The following RNLS variants were observed in gnomAD, a reference collection of about 807,000 sequenced individuals.
RNLS encodes renalase.
Under a neutral mutation model 39.8 loss-of-function variants are expected in RNLS, and 39 were observed. The ratio of observed to expected loss-of-function variants is 0.98; its 90% CI spans 0.76 to 1.28. RNLS has a LOEUF of 1.28. Ranked by LOEUF, RNLS falls within the 50% of genes most tolerant of loss-of-function variation. The pLI, the probability that RNLS is intolerant of heterozygous loss-of-function variation, is 0.00. For synonymous variants in RNLS, 147 were observed against 150.7 expected, an observed-to-expected ratio of 0.98 and a Z score of 0.18; for missense variants, 410 against 413.3, an observed-to-expected ratio of 0.99 and a Z score of 0.07.
intron 4 of RNLS, among the ~76,000 whole-genome samples, chr10:88,543,314 G>C (rs1848140510): frequency 6.6e-6 from 1 of 152,086 alleles, no homozygotes; most frequent in African/African-American, 2.4e-5. Context: ...CTGCCTGTTT[G>C]TGAAGGAGAA....
At chr10:88,548,157 GAGGCTGAGGCAGGAGA>G (rs1376015725) in intron 4 of RNLS, among the ~76,000 whole-genome samples, 1 of 149,888 alleles carries the variant, frequency 6.7e-6, no homozygotes, top group Non-Finnish European at 1.5e-5. Flanking sequence ...AGCTACTCCG[GAGGCTGAGGCAGGAGA>G]ATTGCTTGAA....
At chr10:88,172,842 GTTT>G in the RNLS span, among the ~76,000 whole-genome samples, 3 of 43,772 alleles carry the variant, frequency 6.9e-5, no homozygotes, top group African/African-American at 2.3e-4. Context: ...ATTTTGAGTT[GTTT>G]TTTTTTTTTT....
At chr10:88,457,656 C>A (rs1842706310) in intron 4 of RNLS, among the ~76,000 whole-genome samples, 1 of 152,204 alleles carries the variant, frequency 6.6e-6, no homozygotes, top group African/African-American at 2.4e-5. Context: ...TAATTTTTAG[C>A]AAAGCATTTG....
At chr10:88,274,918 AAAATC>A (rs758606934) in exon 7 of RNLS, 1 of 1,512,972 alleles carries the variant, frequency 6.6e-7, no homozygotes, top group Non-Finnish European at 9.2e-7. Context: ...CTTAAAAAAA[AAAATC>A]AAATAAAACC....
intron 6 of RNLS, among the ~76,000 whole-genome samples, chr10:88,299,192 C>A (rs528395055): frequency 6.6e-6 from 1 of 152,240 alleles, no homozygotes; most frequent in African/African-American, 2.4e-5. Context: ...CAGATATGTC[C>A]TTTGCAACAT....
chr10:88,573,239 T>G (rs577121199), intron 3 of RNLS, among the ~76,000 whole-genome samples, 178 bp from the exon 4 acceptor site: 2 of 152,346 alleles, frequency 1.3e-5, no homozygotes, highest in East Asian at 3.9e-4. Flanking sequence ...CATCCCTACC[T>G]GGCATCCTTG....
chr10:88,257,235 G>A, the RNLS span, among the ~76,000 whole-genome samples: 2 of 152,074 alleles, frequency 1.3e-5, no homozygotes, highest in East Asian at 3.9e-4. Flanking sequence ...ATCACATTAC[G>A]ATGTCAAAAT....
downstream of RNLS, among the ~76,000 whole-genome samples, chr10:88,269,973 G>A (rs1312082281): frequency 1.3e-5 from 2 of 152,096 alleles, no homozygotes; most frequent in African/African-American, 2.4e-5. Context: ...TCAGCCTCCC[G>A]AGTAGCTGGG....
chr10:88,433,514 C>T (rs899848600), intron 4 of RNLS, among the ~76,000 whole-genome samples: 4 of 151,906 alleles, frequency 2.6e-5, no homozygotes, highest in African/African-American at 9.7e-5. Context: ...ATTTATTTTA[C>T]AATATTTTGA....
chr10:88,470,032 T>A (rs2477957), intron 4 of RNLS, among the ~76,000 whole-genome samples: 14 of 151,654 alleles, frequency 9.2e-5, no homozygotes, highest in African/African-American at 2.9e-4. Context: ...CTCTTTATTT[T>A]CATAAATGAA....
At chr10:88,294,908 T>C (rs1447283699) in intron 6 of RNLS, among the ~76,000 whole-genome samples, 1 of 152,116 alleles carries the variant, frequency 6.6e-6, no homozygotes, top group African/African-American at 2.4e-5. Flanking sequence ...TTTCTGAGTC[T>C]CTAAATTTTG....
the RNLS span, among the ~76,000 whole-genome samples, chr10:88,244,150 A>T: frequency 2.0e-5 from 3 of 152,134 alleles, no homozygotes; most frequent in Admixed American, 2.0e-4. Context: ...CCTGGGCCCA[A>T]TCCGGGGTCT....
the RNLS span, among the ~76,000 whole-genome samples, chr10:88,239,832 A>G: frequency 1.1e-4 from 17 of 152,258 alleles, no homozygotes; most frequent in Admixed American, 9.2e-4. Flanking sequence ...GTTGAGGGCA[A>G]ACTGGAGAAA....
At chr10:88,275,484 A>T (rs569736387) in intron 6 of RNLS, among the ~76,000 whole-genome samples, 1 of 152,348 alleles carries the variant, frequency 6.6e-6, no homozygotes, top group East Asian at 1.9e-4. Flanking sequence ...ATGTTGCAAC[A>T]GTAAAAATTT....
At chr10:88,358,369 T>C (rs1187783082) in intron 5 of RNLS, among the ~76,000 whole-genome samples, 2 of 152,198 alleles carry the variant, frequency 1.3e-5, no homozygotes, top group African/African-American at 4.8e-5. Context: ...GTTTCTCAAA[T>C]ATATACTTGG....
the RNLS span, among the ~76,000 whole-genome samples, chr10:88,248,667 G>A: frequency 6.6e-6 from 1 of 152,130 alleles, no homozygotes; most frequent in African/African-American, 2.4e-5. Flanking sequence ...TGACAGAGGT[G>A]GGGTCAGCCC....
At chr10:88,307,024 A>T (rs2132997934) in intron 6 of RNLS, among the ~76,000 whole-genome samples, 1 of 152,376 alleles carries the variant, frequency 6.6e-6, no homozygotes, top group South Asian at 2.1e-4. Context: ...AACATATGCA[A>T]ATCAATAAAT....
chr10:88,350,325 G>A (rs926411319), intron 5 of RNLS, among the ~76,000 whole-genome samples: 1 of 151,798 alleles, frequency 6.6e-6, no homozygotes, highest in African/African-American at 2.4e-5. Flanking sequence ...TTGATGTGCT[G>A]CATCCATTAA....
At chr10:88,548,652 A>ATG (rs1848457207) in intron 4 of RNLS, among the ~76,000 whole-genome samples, 2 of 147,290 alleles carry the variant, frequency 1.4e-5, no homozygotes, top group Non-Finnish European at 1.5e-5. Context: ...ATATACATAT[A>ATG]TATATATATA....
Sources: allele counts gnomAD v4.1 joint callset (sites outside exome capture counted in the v4.1 genomes callset), GRCh38; gene constraint gnomAD v4.1.1; transcripts MANE v1.5; gene names NCBI Gene and HGNC (gene_info 2026-07-23, HGNC 2026-07-21).